Variants in PLXNC1 observed in about 807,000 individuals in gnomAD.
PLXNC1 encodes the protein plexin C1.
PLXNC1 carries 75 observed loss-of-function variants against 178.2 expected under a neutral mutation model. The observed-to-expected ratio is 0.42, with a 90% confidence interval of 0.35 to 0.51. The LOEUF (loss-of-function observed/expected upper bound fraction) is 0.51, where lower values mean the gene tolerates loss of function less well. Among genes scored for constraint, PLXNC1 ranks in the 20% least tolerant of loss-of-function variants. The pLI is 0.02. For synonymous variants in PLXNC1, 790 were observed against 779.9 expected, an observed-to-expected ratio of 1.01 and a Z score of -0.22; for missense variants, 1,503 against 1,984.4, an observed-to-expected ratio of 0.76 and a Z score of 4.61.
intron 1 of PLXNC1, among the ~76,000 whole-genome samples, chr12:94,161,703 A>T (rs896388331): frequency 1.3e-5 from 2 of 152,190 alleles, no homozygotes; most frequent in African/African-American, 4.8e-5. Context: ...AGACTTAGAA[A>T]TTGTCTCTTA....
In PLXNC1 at chr12:94,260,365, T is replaced by C. The variant is rs186756425; in HGVS notation, c.3252-277T>C. 2.0e-5 allele frequency among the ~76,000 whole-genome samples: 3 copies of C among 152,106 alleles called. No homozygotes were observed. The highest frequency in any genetic ancestry group is 2.0e-4 in the Admixed American group (3 of 15,288). ...GAACCACCATGCCCGGCCCATAAATTCTTAATAAAAAAAGCAGAAGTGTTA... is the reference window on the plus strand; with the variant it reads ...GAACCACCATGCCCGGCCCATAAATCCTTAATAAAAAAAGCAGAAGTGTTA... On this transcript the variant is annotated intron_variant, in intron 19 of 30. Transcript: ENST00000258526. The surrounding 1 kb of genome is among the most constrained non-coding windows in gnomAD (Gnocchi z 4.4).
In PLXNC1 at chr12:94,305,631, T is replaced by TA. The variant is rs1968925787; in HGVS notation, c.*347dup. On this transcript the variant is annotated 3_prime_UTR_variant, in exon 31 of 31. Coordinates refer to ENST00000258526, the MANE Select transcript of PLXNC1 (RefSeq NM_005761.3). ...AGTGGTTTTGTTTGAAAACTACAGCTATGTAGCACTTGTGCTACACTGCAC... is the reference window on the plus strand; with the variant it reads ...AGTGGTTTTGTTTGAAAACTACAGCTAATGTAGCACTTGTGCTACACTGCAC... 1 of 200,362 alleles carries TA rather than the reference T, an allele frequency of 5.0e-6. No individual in the cohort carries two copies. The highest frequency in any genetic ancestry group is 2.3e-5 in the African/African-American group (1 of 42,926). 12.4% of individuals were successfully genotyped at this position (200,362 alleles called of 1,614,324 possible).
intron 15 of PLXNC1, chr12:94,254,547 T>G: frequency 1.5e-6 from 1 of 650,846 alleles, no homozygotes. Context: ...ATGAGTAAGG[T>G]TTTGGTTTTT....
rs889720313 is a variant in PLXNC1, at chr12:94,240,408, C to G, written c.2121-77C>G. ...GAAGTGTTGTAGTTCAAGTGAAATT[C>G]ATTTGCTGTCACCTTGGGTAATCAA... On this transcript the variant is annotated intron_variant, in intron 10 of 30. Coordinates refer to ENST00000258526, the MANE Select transcript of PLXNC1 (RefSeq NM_005761.3). 9 of 1,096,886 alleles carry G rather than the reference C, an allele frequency of 8.2e-6. No individual in the cohort carries two copies. The Admixed American group carries it at 1.2e-4, about 15-fold the overall frequency. 67.9% of individuals were successfully genotyped at this position (1,096,886 alleles called of 1,614,324 possible). A position where few individuals can be genotyped will look rare whatever the true frequency, so the allele number is the denominator to read the frequency against.
chr12:94,258,808 C>T (rs951796974), intron 17 of PLXNC1, among the ~76,000 whole-genome samples: 1 of 152,204 alleles, frequency 6.6e-6, no homozygotes, highest in Non-Finnish European at 1.5e-5. Context: ...ACACATCCCA[C>T]GTCATGTGAC....
At position 94,300,929 on chromosome 12, in the gene PLXNC1, G is replaced by A. The variant is rs781592014; in HGVS notation, c.4258G>A (p.Val1420Ile). 3.7e-6 allele frequency: 6 copies of A among 1,612,792 alleles called. No homozygotes were observed. Among genetic ancestry groups the A allele is most frequent in the African/African-American group, 2.7e-5 (2 of 74,860 alleles). Residue 1420 changes from valine to isoleucine, a missense_variant, in exon 28 of 31, where the codon GTA (valine) becomes ATA (isoleucine). Val to Ile is a conservative substitution (Grantham distance 29). Around this residue, in one of 4 missense-constraint regions of PLXNC1, gnomAD observed 639 missense variants for 979.7 expected, o/e 0.65. Coordinates refer to ENST00000258526, the MANE Select transcript of PLXNC1 (RefSeq NM_005761.3). ...KTNSLPLRFWVNILKNPQFVF... is the reference protein window; with the variant it reads ...KTNSLPLRFWINILKNPQFVF... ...GAACAGCCTTCCTCTTCGCTTCTGG[G>A]TAAACATCCTGAAGAACCCTCAGTT... is the stretch of plus-strand genomic sequence containing the variant.
At chr12:94,264,315 C>T (rs76465989) in intron 20 of PLXNC1, among the ~76,000 whole-genome samples, 5 of 152,284 alleles carry the variant, frequency 3.3e-5, no homozygotes, top group African/African-American at 9.6e-5. Flanking sequence ...GCAGCCCCAC[C>T]CCCAGCCAGG....
At chr12:94,173,305 T>A (rs2135946264) in intron 2 of PLXNC1, among the ~76,000 whole-genome samples, 1 of 152,266 alleles carries the variant, frequency 6.6e-6, no homozygotes, top group South Asian at 2.1e-4. Flanking sequence ...CCATAGAAAA[T>A]TGTCCTTATT....
At chr12:94,231,904 T>A (rs935068899) in intron 9 of PLXNC1, among the ~76,000 whole-genome samples, 1 of 152,168 alleles carries the variant, frequency 6.6e-6, no homozygotes, top group Admixed American at 6.5e-5. Context: ...AGTTCCCCTC[T>A]CTTTTGTGCA....
At chr12:94,164,972 C>T (rs1297699430) in intron 1 of PLXNC1, among the ~76,000 whole-genome samples, 1 of 152,144 alleles carries the variant, frequency 6.6e-6, no homozygotes, top group African/African-American at 2.4e-5. Flanking sequence ...AAATCAAGAT[C>T]GGATTTTGTC....
intron 1 of PLXNC1, among the ~76,000 whole-genome samples, chr12:94,159,519 A>G (rs1961298903): frequency 6.6e-6 from 1 of 151,954 alleles, no homozygotes; most frequent in Admixed American, 6.6e-5. Context: ...TCAAAGATGG[A>G]ACATCCTGGT....
intron 10 of PLXNC1, 151 bp from the exon 11 acceptor site, chr12:94,240,334 C>A: frequency 1.7e-6 from 1 of 575,702 alleles, no homozygotes; most frequent in Admixed American, 3.2e-5. Flanking sequence ...ACTTGGGTCA[C>A]TGGCCCCTCA....
intron 12 of PLXNC1, among the ~76,000 whole-genome samples, chr12:94,247,360 T>C (rs1325962961): frequency 6.6e-6 from 1 of 152,214 alleles, no homozygotes; most frequent in Non-Finnish European, 1.5e-5. Context: ...TGAAAACCCT[T>C]GTCCTCCTTG....
intron 23 of PLXNC1, among the ~76,000 whole-genome samples, chr12:94,289,979 A>G (rs764039228): frequency 2.2e-4 from 33 of 152,262 alleles, no homozygotes; most frequent in Non-Finnish European, 3.8e-4. Flanking sequence ...CAGCACTAGC[A>G]GCGGGCTGTT....
Position 94,267,338 on chromosome 12 carries a change from T to G in PLXNC1, c.3597+2113T>G, listed in dbSNP as rs114662171. Among the ~76,000 whole-genome samples, 716 of 152,340 alleles carry G rather than the reference T, an allele frequency of 4.7e-3. 4 individuals carry two copies. Among genetic ancestry groups the G allele is most frequent in the African/African-American group, 0.017 (687 of 41,568 alleles). ...ATGCTTTACATCTGAACGTGTTTTC[T>G]CCCTTTCATTTCGAAACATTATTTA... is the stretch of plus-strand genomic sequence containing the variant. On this transcript the variant is annotated intron_variant, in intron 21 of 30. Coordinates refer to ENST00000258526, the MANE Select transcript of PLXNC1 (RefSeq NM_005761.3).
At chr12:94,255,922 AC>A (rs1964824743) in intron 17 of PLXNC1, 1 of 152,450 alleles carries the variant, frequency 6.6e-6, no homozygotes, top group Admixed American at 6.5e-5. Flanking sequence ...GGAGTCGTCT[AC>A]TTAACCTTTT....
At chr12:94,175,901 A>G (rs2135950200) in intron 2 of PLXNC1, among the ~76,000 whole-genome samples, 1 of 152,360 alleles carries the variant, frequency 6.6e-6, no homozygotes, top group East Asian at 1.9e-4. Flanking sequence ...TGAAGAAAAT[A>G]CAGTGATGGG....
At chr12:94,169,005 C>G in intron 1 of PLXNC1, 148 bp from the exon 2 acceptor site, 2 of 691,204 alleles carry the variant, frequency 2.9e-6, no homozygotes, top group South Asian at 2.1e-5. Context: ...AAAGGTTGCT[C>G]CCGGGGAATC....
Position 94,177,189 on chromosome 12 carries a change from A to ATATATATATATATACGTATATATATG in PLXNC1, c.1204-4247_1204-4246insTATACGTATATATATGTATATATATA, listed in dbSNP as rs1565794383. Among the ~76,000 whole-genome samples, 29 of 8,476 alleles carry ATATATATATATATACGTATATATATG rather than the reference A, an allele frequency of 3.4e-3. 2 individuals are homozygous for ATATATATATATATACGTATATATATG. Among genetic ancestry groups the ATATATATATATATACGTATATATATG allele is most frequent in the Middle Eastern group, 0.053 (2 of 38 alleles). The allele number at this position is 8,476 out of a possible 152,430, so 5.6% of individuals were successfully genotyped here. ...TATATATATATACGTATATATATGT[A>ATATATATATATATACGTATATATATG]TATATATATACGTATATATATATGT... On this transcript the variant is annotated intron_variant, in intron 2 of 30. Transcript: ENST00000258526.
Sources: allele counts gnomAD v4.1 joint callset (sites outside exome capture counted in the v4.1 genomes callset), GRCh38; gene constraint gnomAD v4.1.1; regional missense constraint gnomAD v4.1.1; non-coding constraint Gnocchi (gnomAD v3.1); transcripts MANE v1.5; gene names NCBI Gene and HGNC (gene_info 2026-07-23, HGNC 2026-07-21).